The following SLC35F4 variants were observed in gnomAD, a reference collection of about 807,000 sequenced individuals.
SLC35F4 encodes the protein chromosome 14 open reading frame 36.
A neutral mutation model predicts 44.2 loss-of-function variants in SLC35F4; 24 were observed. The ratio of observed to expected loss-of-function variants is 0.54; its 90% confidence interval spans 0.39 to 0.76. The LOEUF is 0.76. Among genes scored for constraint, SLC35F4 ranks in the 30% least tolerant of loss-of-function variants. The probability of loss-of-function intolerance (pLI) is 0.00; values close to 1 mark genes in which losing one functional copy is unlikely to be tolerated. For synonymous variants in SLC35F4, 238 were observed against 223.6 expected (o/e 1.06, Z -0.57); for missense variants, 562 against 586.1 (o/e 0.96, Z 0.42).
intron 1 of SLC35F4, among the ~76,000 whole-genome samples, chr14:57,689,501 T>G (rs1471405921): frequency 6.6e-6 from 1 of 152,110 alleles, no homozygotes; most frequent in Non-Finnish European, 1.5e-5. Context: ...CTGCTCCCGG[T>G]CTCACTGTCC....
intron 1 of SLC35F4, among the ~76,000 whole-genome samples, chr14:57,728,437 CTTTCTTTTTTTTTTTTTT>C (rs2076261797): frequency 1.0e-5 from 1 of 97,588 alleles, no homozygotes; most frequent in Non-Finnish European, 2.0e-5. Flanking sequence ...TTTTTTCTTT[CTTTCTTTTTTTTTTTTTT>C]TTTTTTTTTT....
chr14:57,581,561 C>T (rs933942652), intron 3 of SLC35F4, 128 bp from the exon 4 acceptor site: 2 of 827,320 alleles, frequency 2.4e-6, no homozygotes, highest in Non-Finnish European at 3.7e-6. Flanking sequence ...GTGAAGTATA[C>T]TGAACCCAGT....
intron 1 of SLC35F4, chr14:57,629,950 G>A: frequency 2.0e-6 from 1 of 506,802 alleles, no homozygotes; most frequent in Non-Finnish European, 3.9e-6. Context: ...CTTCAGGAAT[G>A]TGGCCGATGA....
intron 1 of SLC35F4, among the ~76,000 whole-genome samples, chr14:57,944,490 C>T (rs1225910078): frequency 6.6e-6 from 1 of 152,110 alleles, no homozygotes; most frequent in Admixed American, 6.6e-5. Context: ...CATCCCTCTC[C>T]TCTATATCAG....
intron 7 of SLC35F4, among the ~76,000 whole-genome samples, chr14:57,565,786 T>A (rs924255837): frequency 6.6e-6 from 1 of 152,216 alleles, no homozygotes; most frequent in Non-Finnish European, 1.5e-5. Flanking sequence ...TATTTTTTTC[T>A]TTTTTGCTGC....
intron 1 of SLC35F4, among the ~76,000 whole-genome samples, chr14:57,686,233 G>T (rs1034845957): frequency 6.6e-6 from 1 of 152,110 alleles, no homozygotes; most frequent in Admixed American, 6.6e-5. Flanking sequence ...AAAATAGTTG[G>T]TGCTTCTTTG....
chr14:57,708,655 G>A (rs1954210186), intron 1 of SLC35F4, among the ~76,000 whole-genome samples: 1 of 152,156 alleles, frequency 6.6e-6, no homozygotes, highest in South Asian at 2.1e-4. Context: ...CATGTGCGGA[G>A]ACGAGAGATT....
chr14:57,669,038 G>A (rs936520494), intron 1 of SLC35F4, among the ~76,000 whole-genome samples: 2 of 151,932 alleles, frequency 1.3e-5, no homozygotes, highest in Non-Finnish European at 2.9e-5. Flanking sequence ...CTTGAAGAGG[G>A]CCTTTACATC....
intron 1 of SLC35F4, among the ~76,000 whole-genome samples, chr14:57,907,405 C>T (rs541708160): frequency 2.0e-5 from 3 of 152,198 alleles, no homozygotes; most frequent in African/African-American, 7.2e-5. Context: ...TGAAGTGTGC[C>T]TGTATCCACT....
At chr14:57,794,934 G>C (rs190873601) in intron 1 of SLC35F4, among the ~76,000 whole-genome samples, 1 of 152,212 alleles carries the variant, frequency 6.6e-6, no homozygotes, top group Admixed American at 6.5e-5. Context: ...TGAAGATGCT[G>C]GTGGAATTCA....
intron 1 of SLC35F4, among the ~76,000 whole-genome samples, chr14:57,774,405 G>C (rs182506145): frequency 2.4e-4 from 36 of 152,306 alleles, no homozygotes; most frequent in African/African-American, 8.4e-4. Context: ...TAGAGAAGTG[G>C]TAGGGGCAGA....
intron 2 of SLC35F4, among the ~76,000 whole-genome samples, chr14:57,591,562 G>A (rs900770071): frequency 6.6e-6 from 1 of 152,194 alleles, no homozygotes; most frequent in Non-Finnish European, 1.5e-5. Context: ...CCACTTCACA[G>A]ATGAAAAAGC....
chr14:57,707,541 A>G (rs1241213199), intron 1 of SLC35F4, among the ~76,000 whole-genome samples: 1 of 152,174 alleles, frequency 6.6e-6, no homozygotes, highest in East Asian at 1.9e-4. Context: ...GTGAAGAACT[A>G]TGAGTCAATG....
intron 1 of SLC35F4, among the ~76,000 whole-genome samples, chr14:57,738,806 G>GTATA (rs35484116): frequency 3.4e-5 from 4 of 118,828 alleles, no homozygotes; most frequent in South Asian, 5.0e-4. Context: ...ATGTATACAT[G>GTATA]TATATATATA....
intron 1 of SLC35F4, among the ~76,000 whole-genome samples, chr14:57,797,530 G>A (rs2078081939): frequency 1.3e-5 from 2 of 152,102 alleles, no homozygotes; most frequent in East Asian, 1.9e-4. Flanking sequence ...TTCCTTATCT[G>A]TAAAATAATA....
intron 1 of SLC35F4, among the ~76,000 whole-genome samples, chr14:57,781,941 CAGA>C (rs2077631408): frequency 6.6e-6 from 1 of 151,960 alleles, no homozygotes; most frequent in Non-Finnish European, 1.5e-5. Context: ...GGGAGAAGAG[CAGA>C]AAAAATAACT....
At chr14:57,745,764 A>G (rs1435082588) in intron 1 of SLC35F4, among the ~76,000 whole-genome samples, 3 of 152,104 alleles carry the variant, frequency 2.0e-5, no homozygotes, top group African/African-American at 7.2e-5. Context: ...AAATCATGCT[A>G]CTATAAAGAC....
chr14:57,585,427 G>A (rs1006093892), intron 3 of SLC35F4, among the ~76,000 whole-genome samples: 4 of 152,114 alleles, frequency 2.6e-5, no homozygotes, highest in Middle Eastern at 3.4e-3. Context: ...TTTGAAAACC[G>A]GTCCAAGAAA....
intron 1 of SLC35F4, among the ~76,000 whole-genome samples, chr14:57,660,182 T>G (rs896198273): frequency 6.6e-6 from 1 of 152,202 alleles, no homozygotes; most frequent in Non-Finnish European, 1.5e-5. Flanking sequence ...GGTTTAAAAA[T>G]AGCAGATGAA....
Sources: gnomAD v4.1 joint callset for allele counts (sites outside exome capture counted in the v4.1 genomes callset) on GRCh38, gnomAD v4.1.1 for gene constraint, MANE v1.5 for transcripts, NCBI Gene and HGNC (gene_info 2026-07-23, HGNC 2026-07-21) for gene names.